The following RBM45 variants were observed in gnomAD, a reference collection of about 807,000 sequenced individuals.
The protein encoded by RBM45 is RNA-binding protein 45.
In RBM45, 39 loss-of-function variants were observed where a neutral mutation model predicts 58.5. That is an observed-to-expected ratio of 0.67 (90% CI 0.52 to 0.87). The LOEUF is 0.87. Among genes scored for constraint, RBM45 ranks in the 40% least tolerant of loss-of-function variants. RBM45 has a pLI of 0.00. For synonymous variants in RBM45, 193 were observed against 203.0 expected, an observed-to-expected ratio of 0.95 and a Z score of 0.42; for missense variants, 481 against 581.6, an observed-to-expected ratio of 0.83 and a Z score of 1.78.
At chr2:178,138,919 A>G (rs1278079171) in exon 4 of RBM45, 3 of 152,016 alleles carry the variant, frequency 2.0e-5, no homozygotes, top group Non-Finnish European at 2.9e-5. Context: ...AGAAATATTA[A>G]AATTCATTCT....
In RBM45 at chr2:178,127,652, T is replaced by C. The variant is rs2087950740; in HGVS notation, c.*8+1468T>C. ...TGTTAGCAATTTAACCCTGGATATA[T>C]TAAATTGGGAGTGGAAAAGAATTAG... is the stretch of plus-strand genomic sequence containing the variant. On this transcript the variant is annotated intron_variant, in intron 9 of 9. Coordinates refer to ENST00000286070, the MANE Select transcript of RBM45 (RefSeq NM_152945.4). Among the ~76,000 whole-genome samples, 3 of 152,332 alleles carry C rather than the reference T, an allele frequency of 2.0e-5. No individual in the cohort carries two copies. In the East Asian group the frequency reaches 5.8e-4, roughly 29 times the overall value.
chr2:178,112,542 G>A lies in RBM45; in HGVS notation c.-5G>A, dbSNP rs1269800442. 2 of 1,611,642 alleles carry A rather than the reference G, an allele frequency of 1.2e-6. No homozygotes were observed. Among genetic ancestry groups the A allele is most frequent in the South Asian group, 1.1e-5 (1 of 90,870 alleles). Reference sequence around the variant, plus strand: ...AGTGAGGCTCCTGCATTCGGGTGGAGCACCATGGACGAAGCTGGCAGCTCT... The same window carrying A: ...AGTGAGGCTCCTGCATTCGGGTGGAACACCATGGACGAAGCTGGCAGCTCT... On this transcript the variant is annotated 5_prime_UTR_variant, in exon 1 of 10. Coordinates refer to ENST00000286070, the MANE Select transcript of RBM45 (RefSeq NM_152945.4).
chr2:178,124,201 A>G lies in RBM45; in HGVS notation c.1143A>G (p.Lys381=). 6.2e-7 allele frequency: 1 copy of G among 1,610,562 alleles called. No individual in the cohort carries two copies. Among genetic ancestry groups the G allele is most frequent in the Non-Finnish European group, 8.5e-7 (1 of 1,178,444 alleles). The change falls in exon 8 of 10, where the codon AAA becomes AAG. Residue 381 remains lysine, a synonymous_variant. Transcript: ENST00000286070. The part of the protein sequence containing the change: ...TDVVLPSCKK[K]APAETPVKER... ...TTGTACTTCCATCATGCAAAAAAAAAGCTCCTGCTGAAACTCCTGTGAAAG... is the reference window on the plus strand; with the variant it reads ...TTGTACTTCCATCATGCAAAAAAAAGGCTCCTGCTGAAACTCCTGTGAAAG...
chr2:178,132,684 G>A (rs1481076292), downstream of RBM45, among the ~76,000 whole-genome samples: 7 of 152,220 alleles, frequency 4.6e-5, no homozygotes, highest in African/African-American at 1.7e-4. Context: ...TCCACCTCCC[G>A]GGTTCAAGCG....
downstream of RBM45, among the ~76,000 whole-genome samples, chr2:178,129,824 CAA>C (rs1186067760): frequency 1.3e-5 from 2 of 152,168 alleles, no homozygotes; most frequent in Non-Finnish European, 2.9e-5. Context: ...GTGTAATCGA[CAA>C]CCTTATTTTC....
chr2:178,118,948 A>G (rs931136433), intron 3 of RBM45, among the ~76,000 whole-genome samples: 1 of 152,236 alleles, frequency 6.6e-6, no homozygotes, highest in African/African-American at 2.4e-5. Context: ...GAGTACCTGC[A>G]GTATACTGAT....
Position 178,123,658 on chromosome 2 carries a change from A to G in RBM45, c.983+7A>G, listed in dbSNP as rs2087886994. The stretch of plus-strand genomic sequence containing the variant: ...ATGGAAGTAATGCAACAGAGTAAGT[A>G]CCATTCCAGGAGTGTCTAAAGCCGA... On this transcript the variant is annotated splice_region_variant and intron_variant, in intron 6 of 9. Coordinates refer to ENST00000286070, the MANE Select transcript of RBM45 (RefSeq NM_152945.4). The G allele has an allele frequency of 6.2e-7, 1 of 1,600,978 alleles. No individual in the cohort carries two copies. The highest frequency in any genetic ancestry group is 1.3e-5 in the African/African-American group (1 of 74,288).
intron 9 of RBM45, among the ~76,000 whole-genome samples, chr2:178,128,655 T>C (rs912009220): frequency 1.3e-5 from 2 of 152,206 alleles, no homozygotes; most frequent in Non-Finnish European, 1.5e-5. Context: ...TTTGAACTGT[T>C]ACGCATATTC....
chr2:178,122,745 T>C (rs1181126681), intron 5 of RBM45, among the ~76,000 whole-genome samples: 1 of 152,208 alleles, frequency 6.6e-6, no homozygotes, highest in Non-Finnish European at 1.5e-5. Flanking sequence ...TCGAATCTCA[T>C]TTGAATTAAC....
At chr2:178,131,509 C>T (rs1220243294), downstream of RBM45, among the ~76,000 whole-genome samples, 1 of 152,188 alleles carries the variant, frequency 6.6e-6, no homozygotes, top group African/African-American at 2.4e-5. Context: ...GGCCAGCCCT[C>T]CACATTCTCT....
In RBM45 at chr2:178,124,209, C is replaced by G. The variant is rs1473237490; in HGVS notation, c.1151C>G (p.Ala384Gly). 11 of 1,610,436 alleles carry G rather than the reference C, an allele frequency of 6.8e-6. No individual in the cohort carries two copies. The highest frequency in any genetic ancestry group is 1.1e-5 in the South Asian group (1 of 89,876). ...VLPSCKKKAP[A>G]ETPVKERLFI... ...CCATCATGCAAAAAAAAAGCTCCTGCTGAAACTCCTGTGAAAGAAAGACTT... is the reference window on the plus strand; with the variant it reads ...CCATCATGCAAAAAAAAAGCTCCTGGTGAAACTCCTGTGAAAGAAAGACTT... The change falls in exon 8 of 10, where the codon GCT becomes GGT. Residue 384 changes from alanine (A) to glycine (G), a missense_variant. Coordinates refer to ENST00000286070, the MANE Select transcript of RBM45 (RefSeq NM_152945.4).
chr2:178,126,800 T>C (rs907400047), intron 9 of RBM45, among the ~76,000 whole-genome samples: 4 of 152,254 alleles, frequency 2.6e-5, no homozygotes, highest in Admixed American at 1.3e-4. Flanking sequence ...AAAAACTCTT[T>C]ATTGTAAATT....
chr2:178,124,839 TC>T (rs1422599148), intron 8 of RBM45, among the ~76,000 whole-genome samples: 1 of 152,124 alleles, frequency 6.6e-6, no homozygotes, highest in Non-Finnish European at 1.5e-5. Flanking sequence ...TTGCTAAGCA[TC>T]TTCTGTTTTG....
chr2:178,124,059 C>A, intron 7 of RBM45, 68 bp from the exon 8 acceptor site: 1 of 1,523,678 alleles, frequency 6.6e-7, no homozygotes, highest in Non-Finnish European at 8.9e-7. Context: ...ACATATCTGT[C>A]TTTAGCTCTT....
chr2:178,118,281 T>C, intron 3 of RBM45, 100 bp downstream of exon 3: 1 of 1,172,506 alleles, frequency 8.5e-7, no homozygotes, highest in South Asian at 1.9e-5. Flanking sequence ...CTGTATCTGC[T>C]AATGTAATTT....
chr2:178,125,786 G>T (rs771276086), intron 8 of RBM45, 198 bp from the exon 9 acceptor site: 1 of 705,154 alleles, frequency 1.4e-6, no homozygotes, highest in Non-Finnish European at 2.7e-6. Flanking sequence ...TTAGATTAAG[G>T]AAAAGATGAT....
At chr2:178,135,121 T>C (rs2088035106) in intron 3 of RBM45, among the ~76,000 whole-genome samples, 1 of 152,246 alleles carries the variant, frequency 6.6e-6, no homozygotes, top group South Asian at 2.1e-4. Context: ...TTCCTCCCTC[T>C]TCTATATTAG....
chr2:178,120,104 GT>G (rs1354644043), intron 3 of RBM45, among the ~76,000 whole-genome samples, 182 bp from the exon 4 acceptor site: 1 of 152,180 alleles, frequency 6.6e-6, no homozygotes, highest in East Asian at 1.9e-4. Flanking sequence ...GATACTTGCT[GT>G]TTGTCATTTA....
chr2:178,118,025 C>T, intron 2 of RBM45, 30 bp from the exon 3 acceptor site: 1 of 1,511,144 alleles, frequency 6.6e-7, no homozygotes, highest in East Asian at 2.3e-5. Context: ...ATTTTAAGTC[C>T]CCTAAAATCA....
Sources: allele counts gnomAD v4.1 joint callset (sites outside exome capture counted in the v4.1 genomes callset), GRCh38; gene constraint gnomAD v4.1.1; transcripts MANE v1.5; gene names NCBI Gene and HGNC (gene_info 2026-07-23, HGNC 2026-07-21).